Variants in CADM1 observed in about 807,000 individuals in gnomAD.
The protein encoded by CADM1 is cell adhesion molecule 1.
A neutral mutation model predicts 53.1 loss-of-function variants in CADM1; 15 were observed. The ratio of observed to expected loss-of-function variants is 0.28; its 90% CI spans 0.19 to 0.44. The LOEUF is 0.44. Among genes scored for constraint, CADM1 ranks in the 20% least tolerant of loss-of-function variants. The pLI is 1.00. For synonymous variants in CADM1, 281 were observed against 243.0 expected (o/e 1.16, Z -1.45); for missense variants, 434 against 611.3 (o/e 0.71, Z 3.06).
chr11:115,190,754 T>G, intron 10 of CADM1, 134 bp downstream of exon 10: 1 of 655,606 alleles, frequency 1.5e-6, no homozygotes, highest in Non-Finnish European at 2.7e-6. Flanking sequence ...AAGACAGTAT[T>G]GATACAAATT....
At chr11:115,197,891 TC>T (rs1052992596) in intron 9 of CADM1, among the ~76,000 whole-genome samples, 1 of 152,186 alleles carries the variant, frequency 6.6e-6, no homozygotes, top group Non-Finnish European at 1.5e-5. Flanking sequence ...TCATGACCTT[TC>T]TAAAGAAGAA....
intron 9 of CADM1, among the ~76,000 whole-genome samples, chr11:115,192,763 C>A (rs1424085929): frequency 6.6e-6 from 1 of 152,116 alleles, no homozygotes; most frequent in East Asian, 1.9e-4. Context: ...CCCAAAAAGA[C>A]AAATATGTTT....
rs370315073 is a variant in CADM1, at chr11:115,380,885, A to G, written c.124+123386T>C. 2.6e-5 allele frequency among the ~76,000 whole-genome samples: 4 copies of G among 152,334 alleles called. No individual in the cohort carries two copies. In the East Asian group the frequency reaches 5.8e-4, roughly 22 times the overall value. ...ACTACAGAGAGAGAAGCTACCTCTA[A>G]CTTAAATAAGAAGCTTAATATTTGT... On this transcript the variant is annotated intron_variant, in intron 1 of 11. Transcript: ENST00000331581.
chr11:115,263,181 C>G (rs986286337), intron 1 of CADM1, among the ~76,000 whole-genome samples: 2 of 152,214 alleles, frequency 1.3e-5, no homozygotes, highest in African/African-American at 4.8e-5. Context: ...ATCCATCGGT[C>G]AAGGTGATGT....
intron 1 of CADM1, among the ~76,000 whole-genome samples, chr11:115,267,511 G>A (rs1041410153): frequency 6.6e-6 from 1 of 152,120 alleles, no homozygotes; most frequent in Non-Finnish European, 1.5e-5. Flanking sequence ...GGAAGAGAAT[G>A]CCATACCATT....
Position 115,176,013 on chromosome 11 carries a change from TA to T in CADM1, c.*460del, listed in dbSNP as rs1345644428. On this transcript the variant is annotated 3_prime_UTR_variant, in exon 12 of 12. Coordinates refer to ENST00000331581, the MANE Select transcript of CADM1 (RefSeq NM_001301043.2). ...CAGTTACCATAAAAATAAACAAAAG[TA>T]AAAAACTAGAACAGAAAAGGGAAGG... is the stretch of plus-strand genomic sequence containing the variant. The T allele has an allele frequency of 6.7e-6, 7 of 1,040,508 alleles. No individual in the cohort carries two copies. The highest frequency in any genetic ancestry group is 5.2e-5 in the African/African-American group (3 of 57,584). 64.5% of individuals were successfully genotyped at this position (1,040,508 alleles called of 1,614,324 possible).
At chr11:115,307,143 G>A (rs1319628872) in intron 1 of CADM1, among the ~76,000 whole-genome samples, 1 of 151,856 alleles carries the variant, frequency 6.6e-6, no homozygotes, top group African/African-American at 2.4e-5. Flanking sequence ...TACTTATCTG[G>A]ATTTCCATAT....
chr11:115,220,008 A>G (rs1021837783), intron 5 of CADM1, among the ~76,000 whole-genome samples: 1 of 152,104 alleles, frequency 6.6e-6, no homozygotes, highest in Non-Finnish European at 1.5e-5. Context: ...GTGAGGCTAA[A>G]TTTAAAGCCC....
rs368613160 is a variant in CADM1 at position 115,250,095 on chromosome 11, A to G, written c.125-9675T>C. 6.6e-4 allele frequency among the ~76,000 whole-genome samples: 101 copies of G among 152,082 alleles called. 1 individual carries two copies. The East Asian group carries it at 0.016, about 24-fold the overall frequency. ...ATTTTTTGTATTTTTAGTAGAGATG[A>G]GGTTTCACTGTGTTAGCCAGGATGG... is the stretch of plus-strand genomic sequence containing the variant. On this transcript the variant is annotated intron_variant, in intron 1 of 11. Transcript: ENST00000331581.
At chr11:115,469,526 G>T (rs1318312229) in intron 1 of CADM1, among the ~76,000 whole-genome samples, 2 of 152,138 alleles carry the variant, frequency 1.3e-5, no homozygotes, top group African/African-American at 4.8e-5. Context: ...AGTGCTTTAG[G>T]ATGACATGAA....
At chr11:115,378,752 T>A (rs917601251) in intron 1 of CADM1, among the ~76,000 whole-genome samples, 6 of 152,248 alleles carry the variant, frequency 3.9e-5, no homozygotes, top group Non-Finnish European at 7.3e-5. Flanking sequence ...AACATAGCCA[T>A]GCTCATTCGT....
intron 1 of CADM1, among the ~76,000 whole-genome samples, chr11:115,339,779 G>A (rs1945375536): frequency 6.6e-6 from 1 of 152,112 alleles, no homozygotes; most frequent in Non-Finnish European, 1.5e-5. Flanking sequence ...CCAATTAAGA[G>A]AGTGTATTTC....
intron 1 of CADM1, chr11:115,256,812 A>T (rs1337149555): frequency 2.2e-6 from 1 of 456,028 alleles, no homozygotes; most frequent in South Asian, 1.5e-5. Flanking sequence ...TCTTATATGA[A>T]AGCTGTTAGC....
intron 1 of CADM1, among the ~76,000 whole-genome samples, chr11:115,257,226 A>G (rs1031699590): frequency 6.6e-6 from 1 of 151,986 alleles, no homozygotes; most frequent in Non-Finnish European, 1.5e-5. Flanking sequence ...CACTTTTTAG[A>G]TTTGCCAATT....
intron 1 of CADM1, among the ~76,000 whole-genome samples, chr11:115,503,725 G>A (rs1388932262): frequency 6.6e-6 from 1 of 152,200 alleles, no homozygotes; most frequent in African/African-American, 2.4e-5. Flanking sequence ...TGGGGGAAGG[G>A]GCAGGGGAGA....
intron 6 of CADM1, among the ~76,000 whole-genome samples, chr11:115,217,355 T>G (rs985171666): frequency 5.9e-5 from 9 of 152,228 alleles, no homozygotes; most frequent in Non-Finnish European, 8.8e-5. Context: ...TATATCCTCC[T>G]TAAGAAAAGT....
At position 115,284,114 on chromosome 11, in the gene CADM1, C is replaced by CTCTCTCTCTCTCTCTCTGTG. The variant is rs1351842329; in HGVS notation, c.125-43695_125-43694insCACAGAGAGAGAGAGAGAGA. The stretch of plus-strand genomic sequence containing the variant: ...TCTCTCTCTCTCTCTCTCTCTCTCT[C>CTCTCTCTCTCTCTCTCTGTG]TGTGTGTGTGTGTGTGTGTGTGTGT... On this transcript the variant is annotated intron_variant, in intron 1 of 11. Transcript: ENST00000331581. Among the ~76,000 whole-genome samples, 504 of 98,612 alleles carry CTCTCTCTCTCTCTCTCTGTG rather than the reference C, an allele frequency of 5.1e-3. 12 individuals carry two copies. The highest frequency in any genetic ancestry group is 7.8e-3 in the Non-Finnish European group (371 of 47,278). 64.7% of individuals were successfully genotyped at this position (98,612 alleles called of 152,430 possible).
At chr11:115,453,847 T>G (rs1311867761) in intron 1 of CADM1, among the ~76,000 whole-genome samples, 1 of 152,064 alleles carries the variant, frequency 6.6e-6, no homozygotes, top group Non-Finnish European at 1.5e-5. Flanking sequence ...AAAATGAAAT[T>G]TAAACACTGT....
chr11:115,424,293 G>C (rs980379118), intron 1 of CADM1, among the ~76,000 whole-genome samples: 1 of 152,158 alleles, frequency 6.6e-6, no homozygotes, highest in Non-Finnish European at 1.5e-5. Context: ...TGTCATCACA[G>C]GTCTCTGACA....
Sources: allele counts gnomAD v4.1 joint callset (sites outside exome capture counted in the v4.1 genomes callset), GRCh38; gene constraint gnomAD v4.1.1; transcripts MANE v1.5; gene names NCBI Gene and HGNC (gene_info 2026-07-23, HGNC 2026-07-21).